The following BANP variants were observed in gnomAD, a reference collection of about 807,000 sequenced individuals.
BANP encodes the protein BTG3 associated nuclear protein, also known as protein BANP.
A neutral mutation model predicts 68.1 loss-of-function variants in BANP; 11 were observed. That is an observed-to-expected ratio of 0.16 (90% confidence interval 0.10 to 0.27). BANP has a LOEUF of 0.27. Among genes scored for constraint, BANP ranks in the 10% least tolerant of loss-of-function variants. The pLI, the probability that BANP is intolerant of heterozygous loss-of-function variation, is 1.00. For synonymous variants in BANP, 329 were observed against 303.2 expected (o/e 1.09, Z -0.88); for missense variants, 504 against 722.7 (o/e 0.70, Z 3.47).
In BANP at chr16:88,009,160, C is replaced by T. The variant is rs142671958; in HGVS notation, c.655+2895C>T. The stretch of plus-strand genomic sequence containing the variant: ...CTCTTCAGCACTTCCATGGGGGGTG[C>T]GAATGTGCCGAGAATGGGGCCAGCA... On this transcript the variant is annotated intron_variant, in intron 6 of 13. Coordinates refer to ENST00000682872, the MANE Select transcript of BANP (RefSeq NM_001386991.1). 3.1e-4 allele frequency among the ~76,000 whole-genome samples: 47 copies of T among 152,286 alleles called. No homozygotes were observed. The East Asian group carries it at 7.3e-3, about 24-fold the overall frequency.
intron 13 of BANP, among the ~76,000 whole-genome samples, chr16:88,073,702 G>C (rs2090959581): frequency 6.6e-6 from 1 of 152,196 alleles, no homozygotes. Flanking sequence ...TTCCAGATAG[G>C]AGCGCTGCAG....
chr16:87,954,618 C>T (rs924635378), intron 1 of BANP, among the ~76,000 whole-genome samples: 8 of 152,214 alleles, frequency 5.3e-5, no homozygotes, highest in Admixed American at 2.0e-4. Context: ...CCTTTGCTGG[C>T]CGTGGGGGAG....
chr16:88,001,995 C>T (rs1261438395), intron 4 of BANP, among the ~76,000 whole-genome samples: 1 of 151,612 alleles, frequency 6.6e-6, no homozygotes, highest in East Asian at 1.9e-4. Flanking sequence ...AATGGTTGAA[C>T]AGAAGAACGT....
intron 1 of BANP, among the ~76,000 whole-genome samples, chr16:87,967,699 G>A (rs113256383): frequency 0.021 from 3,138 of 147,738 alleles, 96 homozygotes; most frequent in African/African-American, 0.074. Context: ...TTGGCTCATT[G>A]CAGCCTCCGC....
intron 2 of BANP, among the ~76,000 whole-genome samples, chr16:87,977,367 T>G (rs11117340): frequency 1.3e-5 from 2 of 150,818 alleles, no homozygotes; most frequent in Non-Finnish European, 3.0e-5. Flanking sequence ...TGCAGTGAGC[T>G]GAGATCGCGC....
intron 1 of BANP, chr16:87,952,175 C>G (rs919800639): frequency 6.6e-6 from 1 of 152,256 alleles, no homozygotes; most frequent in Non-Finnish European, 1.5e-5. Flanking sequence ...TCTTTTTCCC[C>G]CCTAGGATGC....
At chr16:88,074,101 C>G (rs2091066731) in intron 13 of BANP, among the ~76,000 whole-genome samples, 1 of 152,212 alleles carries the variant, frequency 6.6e-6, no homozygotes, top group Non-Finnish European at 1.5e-5. Context: ...TGTCCTCAGG[C>G]TAGCTCTGCC....
intron 10 of BANP, 193 bp from the exon 11 acceptor site, chr16:88,037,780 T>C (rs2079723937): frequency 1.6e-6 from 1 of 611,536 alleles, no homozygotes; most frequent in Non-Finnish European, 3.0e-6. Context: ...ATCTTTAAAA[T>C]AATAAATAGT....
At chr16:88,058,671 C>A (rs976014214) in intron 11 of BANP, among the ~76,000 whole-genome samples, 7 of 152,006 alleles carry the variant, frequency 4.6e-5, no homozygotes, top group African/African-American at 1.5e-4. Flanking sequence ...TGTCCTGCCC[C>A]GGGGTTTGTA....
At position 88,064,832 on chromosome 16, in the gene BANP, C is replaced by T. The variant is rs954171983; in HGVS notation, c.1312-435C>T. ...CCAGGACCCCTCAGCTTCTGAGGGC[C>T]GTGGCCTTCAGGCTGTCAGGAGGCC... On this transcript the variant is annotated intron_variant, in intron 11 of 13. Transcript: ENST00000682872. The surrounding 1 kb of genome is among the most constrained non-coding windows in gnomAD (Gnocchi z 4.5). Among the ~76,000 whole-genome samples the T allele has an allele frequency of 1.3e-5, 2 of 152,224 alleles. No individual in the cohort carries two copies. The highest frequency in any genetic ancestry group is 1.5e-5 in the Non-Finnish European group (1 of 68,034).
At chr16:87,953,616 C>A (rs747648123) in intron 1 of BANP, among the ~76,000 whole-genome samples, 1 of 152,202 alleles carries the variant, frequency 6.6e-6, no homozygotes, top group Non-Finnish European at 1.5e-5. Flanking sequence ...TAGGCCTATG[C>A]AAATACTGTT....
intron 1 of BANP, among the ~76,000 whole-genome samples, chr16:87,965,247 C>T (rs1259878809): frequency 6.6e-6 from 1 of 152,092 alleles, no homozygotes; most frequent in Non-Finnish European, 1.5e-5. Flanking sequence ...ATGGGGGCAG[C>T]ATCTGGGCTG....
chr16:87,956,975 G>A (rs1403616324), intron 1 of BANP: 4 of 152,242 alleles, frequency 2.6e-5, no homozygotes, highest in African/African-American at 9.6e-5. Flanking sequence ...AGTGTCTTTG[G>A]TTAAAATGTG....
intron 11 of BANP, among the ~76,000 whole-genome samples, chr16:88,054,188 A>C (rs1303440843): frequency 2.6e-5 from 2 of 77,302 alleles, no homozygotes; most frequent in Non-Finnish European, 5.8e-5. Context: ...ATCATCACCA[A>C]CACAACCACC....
chr16:87,993,116 C>CA (rs1404571975), intron 4 of BANP, among the ~76,000 whole-genome samples: 2 of 152,214 alleles, frequency 1.3e-5, no homozygotes, highest in Non-Finnish European at 2.9e-5. Context: ...GGAGGGAGGA[C>CA]ACGTAGGTGA....
At chr16:88,014,894 C>T (rs1472694041) in intron 6 of BANP, among the ~76,000 whole-genome samples, 5 of 152,190 alleles carry the variant, frequency 3.3e-5, no homozygotes, top group African/African-American at 1.2e-4. Flanking sequence ...GTGCTGGGAA[C>T]CCTGGGAAGT....
chr16:88,006,043 T>C (rs1012727111), intron 5 of BANP, 47 bp from the exon 6 acceptor site: 1 of 1,612,314 alleles, frequency 6.2e-7, no homozygotes, highest in African/African-American at 1.3e-5. Context: ...CGCGTGCTGC[T>C]TGCGGCTCTT....
chr16:88,072,206 G>A lies in BANP; in HGVS notation c.1515G>A (p.Gly505=), dbSNP rs749565724. The A allele has an allele frequency of 6.2e-7, 1 of 1,609,662 alleles. No homozygotes were observed. The highest frequency in any genetic ancestry group is 8.5e-7 in the Non-Finnish European group (1 of 1,179,210). Residue 505 remains glycine, a synonymous_variant, in exon 13 of 14, where the codon GGG becomes GGA. Transcript: ENST00000682872. ...CGCCAGTGAGTGACCACACGGCCGG[G>A]GCACAGGTGAGTCTGGGGCCCCGCG... ...QLAPVSDHTA[G]AQTAEALQPT...
intron 6 of BANP, among the ~76,000 whole-genome samples, chr16:88,011,591 T>G (rs1044324138): frequency 1.3e-5 from 2 of 152,220 alleles, no homozygotes; most frequent in African/African-American, 4.8e-5. Context: ...AAAAAAGCAT[T>G]CTGAAAGAAA....
Sources: gnomAD v4.1 joint callset for allele counts (sites outside exome capture counted in the v4.1 genomes callset) on GRCh38, gnomAD v4.1.1 for gene constraint, Gnocchi (gnomAD v3.1) non-coding constraint, MANE v1.5 for transcripts, NCBI Gene and HGNC (gene_info 2026-07-23, HGNC 2026-07-21) for gene names.